Variants in FGF14 observed in about 807,000 individuals in gnomAD.
FGF14 encodes the protein fibroblast growth factor homologous factor 4.
Under a neutral mutation model 25.5 loss-of-function variants are expected in FGF14, and 5 were observed. That is an observed-to-expected ratio of 0.20 (90% CI 0.10 to 0.41). The LOEUF (loss-of-function observed/expected upper bound fraction) is 0.41. Ranked by LOEUF, FGF14 falls within the 10% of genes least tolerant of loss-of-function variation. The probability of loss-of-function intolerance (pLI) is 1.00; values close to 1 mark genes in which losing one functional copy is unlikely to be tolerated. For missense variants in FGF14, 222 were observed against 320.1 expected (o/e 0.69, Z 2.34); for synonymous variants, 138 against 118.3 (o/e 1.17, Z -1.08).
intron 3 of FGF14, among the ~76,000 whole-genome samples, chr13:101,789,407 T>A: frequency 6.6e-6 from 1 of 152,160 alleles, no homozygotes; most frequent in South Asian, 2.1e-4. Flanking sequence ...TCCAGGTTAG[T>A]CCTGTGAGAT....
At chr13:102,266,201 C>G (rs574416474) in intron 1 of FGF14, among the ~76,000 whole-genome samples, 1 of 152,194 alleles carries the variant, frequency 6.6e-6, no homozygotes, top group East Asian at 1.9e-4. Flanking sequence ...CTTCTACTTC[C>G]CAGAACAGTA....
In FGF14 at chr13:101,942,084, A is replaced by G. The variant is rs377416600; in HGVS notation, c.209-66788T>C. Among the ~76,000 whole-genome samples, 13 of 152,348 alleles carry G rather than the reference A, an allele frequency of 8.5e-5. No individual in the cohort carries two copies. In the East Asian group the frequency reaches 2.1e-3, roughly 25 times the overall value. On this transcript the variant is annotated intron_variant, in intron 1 of 4. Transcript: ENST00000376131. ...TGACTATTGGGCTAATATAAAACTA[A>G]TATTTTTCTCTTAAATAATAATGGC... is the stretch of plus-strand genomic sequence containing the variant.
At chr13:102,092,785 T>A (rs565074803) in intron 1 of FGF14, among the ~76,000 whole-genome samples, 2 of 152,268 alleles carry the variant, frequency 1.3e-5, no homozygotes, top group South Asian at 2.1e-4. Context: ...ATCAGTCTAG[T>A]TACCCTGGAG....
At chr13:101,953,779 G>A (rs542098825) in intron 1 of FGF14, among the ~76,000 whole-genome samples, 15 of 151,626 alleles carry the variant, frequency 9.9e-5, no homozygotes, top group South Asian at 4.2e-4. Context: ...TAGTAGAGAC[G>A]GGGTTTCACC....
chr13:101,848,255 G>A (rs941029156), intron 3 of FGF14, among the ~76,000 whole-genome samples: 1 of 151,520 alleles, frequency 6.6e-6, no homozygotes, highest in African/African-American at 2.4e-5. Flanking sequence ...TCATACTACT[G>A]AATACATGGA....
At chr13:101,920,977 G>T (rs2033958149), upstream of FGF14, among the ~76,000 whole-genome samples, 4 of 152,222 alleles carry the variant, frequency 2.6e-5, no homozygotes, top group South Asian at 8.3e-4. Context: ...TCCTGAAGAT[G>T]CTATGATCCT....
chr13:101,957,079 T>C (rs1025869621), intron 1 of FGF14, among the ~76,000 whole-genome samples: 6 of 152,170 alleles, frequency 3.9e-5, no homozygotes, highest in African/African-American at 1.4e-4. Context: ...CTTTCCAGGA[T>C]ATAAAGATAC....
chr13:102,163,034 A>T (rs1254795083), intron 1 of FGF14, among the ~76,000 whole-genome samples: 1 of 152,162 alleles, frequency 6.6e-6, no homozygotes, highest in African/African-American at 2.4e-5. Context: ...AAATACATCC[A>T]CATATTTCAT....
At chr13:102,339,294 TAA>T (rs2138889184) in intron 1 of FGF14, among the ~76,000 whole-genome samples, 1 of 151,728 alleles carries the variant, frequency 6.6e-6, no homozygotes, top group African/African-American at 2.4e-5. Flanking sequence ...CAAAAAAGAA[TAA>T]AAAGACAAAG....
intron 3 of FGF14, among the ~76,000 whole-genome samples, chr13:101,736,765 G>A (rs9518503): frequency 0.99 from 150,573 of 152,076 alleles, 74,563 homozygotes; most frequent in East Asian, 1. Flanking sequence ...ACAGAATACA[G>A]TGCTGCAGGT....
chr13:101,977,938 T>C (rs906535869), intron 1 of FGF14, among the ~76,000 whole-genome samples: 9 of 114,134 alleles, frequency 7.9e-5, no homozygotes, highest in African/African-American at 3.1e-4. Context: ...CATTTCTCAA[T>C]GTAAAAAAAA....
intron 1 of FGF14, among the ~76,000 whole-genome samples, chr13:102,127,616 TTTA>T (rs1165441823): frequency 1.3e-5 from 2 of 152,230 alleles, no homozygotes; most frequent in African/African-American, 2.4e-5. Context: ...TGCTTATGAT[TTTA>T]TTATTTAAAA....
chr13:102,105,504 T>C (rs562993984), intron 1 of FGF14, among the ~76,000 whole-genome samples: 14 of 152,342 alleles, frequency 9.2e-5, no homozygotes, highest in African/African-American at 2.9e-4. Context: ...TCCCTAATCA[T>C]GGAAATTCGG....
chr13:102,283,728 G>A (rs117087583), intron 1 of FGF14, among the ~76,000 whole-genome samples: 28 of 151,962 alleles, frequency 1.8e-4, no homozygotes, highest in Non-Finnish European at 3.7e-4. Flanking sequence ...TTTCTCTAAC[G>A]GTGTGTATAC....
chr13:102,362,411 T>C (rs908113194), intron 1 of FGF14, among the ~76,000 whole-genome samples: 18 of 152,278 alleles, frequency 1.2e-4, no homozygotes, highest in African/African-American at 4.3e-4. Flanking sequence ...CAAACTGAAT[T>C]CAGTAAATGT....
intron 1 of FGF14, among the ~76,000 whole-genome samples, chr13:102,303,363 T>C (rs1478495937): frequency 6.6e-6 from 1 of 152,076 alleles, no homozygotes; most frequent in African/African-American, 2.4e-5. Context: ...CTTTGTATTG[T>C]TGTGCTTACT....
chr13:102,020,266 T>C (rs189561360), intron 1 of FGF14, among the ~76,000 whole-genome samples: 25 of 150,946 alleles, frequency 1.7e-4, no homozygotes, highest in Admixed American at 1.2e-3. Flanking sequence ...AGTGAGAGAA[T>C]AGGCGGGTAT....
intron 1 of FGF14, among the ~76,000 whole-genome samples, chr13:101,998,960 A>G (rs1400581742): frequency 6.6e-6 from 1 of 152,184 alleles, no homozygotes; most frequent in African/African-American, 2.4e-5. Context: ...AATCTCTATA[A>G]GCCAAAAATT....
intron 1 of FGF14, among the ~76,000 whole-genome samples, chr13:102,161,616 GAA>G (rs757226285): frequency 8.0e-4 from 3 of 3,754 alleles, no homozygotes; most frequent in Non-Finnish European, 1.4e-3. Flanking sequence ...AGAAGAAGAA[GAA>G]GAAGAAGAAG....
Sources: allele counts gnomAD v4.1 joint callset (sites outside exome capture counted in the v4.1 genomes callset), GRCh38; gene constraint gnomAD v4.1.1; transcripts MANE v1.5; gene names NCBI Gene and HGNC (gene_info 2026-07-23, HGNC 2026-07-21).